Variants in MTUS2 observed in about 807,000 individuals in gnomAD.
MTUS2 encodes microtubule-associated tumor suppressor candidate 2.
In MTUS2, 40 loss-of-function variants were observed where a neutral mutation model predicts 114.1. The ratio of observed to expected loss-of-function variants is 0.35; its 90% CI spans 0.27 to 0.46. The LOEUF is 0.46. MTUS2 is among the 20% of genes least tolerant of loss of function. The probability of loss-of-function intolerance (pLI) is 1.00; values close to 1 mark genes in which losing one functional copy is unlikely to be tolerated. For synonymous variants in MTUS2, 688 were observed against 672.0 expected (o/e 1.02, Z -0.37); for missense variants, 1,679 against 1,705.4 (o/e 0.98, Z 0.27).
rs1872927003 is a variant in MTUS2, at chr13:29,389,355, ATATGTATGCACG to A, written c.3117+29884_3117+29895del. ...TATATATGTATGCACGTGTGTGTAT[ATATGTATGCACG>A]TGTGTGTATATATGTATACACGTGT... On this transcript the variant is annotated intron_variant, in intron 8 of 15. Coordinates refer to ENST00000612955, the MANE Select transcript of MTUS2 (RefSeq NM_001033602.4). 7.0e-4 allele frequency among the ~76,000 whole-genome samples: 58 copies of A among 82,660 alleles called. 1 individual carries two copies. Among genetic ancestry groups the A allele is most frequent in the Middle Eastern group, 9.4e-3 (1 of 106 alleles). The allele number at this position is 82,660 out of a possible 152,430, so 54.2% of individuals were successfully genotyped here. A position where few individuals can be genotyped will look rare whatever the true frequency, so the allele number is the denominator to read the frequency against.
At chr13:29,129,641 A>G (rs1263808915) in intron 5 of MTUS2, among the ~76,000 whole-genome samples, 3 of 152,166 alleles carry the variant, frequency 2.0e-5, no homozygotes, top group Non-Finnish European at 4.4e-5. Flanking sequence ...GTGTAATGAT[A>G]GGAGGAATCA....
intron 9 of MTUS2, among the ~76,000 whole-genome samples, chr13:29,456,221 A>T (rs747916559): frequency 1.1e-4 from 16 of 152,200 alleles, no homozygotes; most frequent in Non-Finnish European, 2.1e-4. Context: ...GAAATAAATC[A>T]TTCACCGATG....
At chr13:29,219,570 T>G (rs1024353712) in intron 5 of MTUS2, among the ~76,000 whole-genome samples, 8 of 152,206 alleles carry the variant, frequency 5.3e-5, no homozygotes, top group Non-Finnish European at 7.4e-5. Flanking sequence ...GCCTGTCCTT[T>G]GAAGCTTTGA....
intron 5 of MTUS2, among the ~76,000 whole-genome samples, chr13:29,122,098 A>T (rs546862423): frequency 6.6e-6 from 1 of 152,212 alleles, no homozygotes; most frequent in South Asian, 2.1e-4. Flanking sequence ...CTTGAGCAGA[A>T]AGTTGTACTC....
intron 7 of MTUS2, among the ~76,000 whole-genome samples, chr13:29,328,495 G>C (rs1483948130): frequency 6.6e-6 from 1 of 152,224 alleles, no homozygotes; most frequent in Admixed American, 6.5e-5. Flanking sequence ...TTTAGTTGAC[G>C]GTTGGGATAG....
chr13:29,390,392 A>C (rs375874801), intron 8 of MTUS2, among the ~76,000 whole-genome samples: 16 of 151,946 alleles, frequency 1.1e-4, no homozygotes, highest in Middle Eastern at 3.4e-3. Flanking sequence ...TGTGGCTCAC[A>C]CCTGTAATCC....
Position 29,006,279 on chromosome 13 carries a change from A to G in MTUS2, c.-242-18178A>G, listed in dbSNP as rs1452714612. On this transcript the variant is annotated intron_variant, in intron 2 of 15. Coordinates refer to ENST00000612955, the MANE Select transcript of MTUS2 (RefSeq NM_001033602.4). ...ATGCTGTTAGGAACACATAAAAACA[A>G]ACAGCAACAAAACTCCTTCTTACAT... Among the ~76,000 whole-genome samples the G allele has an allele frequency of 2.6e-5, 4 of 152,212 alleles. No homozygotes were observed. The East Asian group carries it at 5.8e-4, about 22-fold the overall frequency.
Position 29,264,894 on chromosome 13 carries a change from C to T in MTUS2, c.2645-16810C>T, listed in dbSNP as rs531401016. 3.9e-5 allele frequency among the ~76,000 whole-genome samples: 6 copies of T among 152,368 alleles called. No homozygotes were observed. In the East Asian group the frequency reaches 9.6e-4, roughly 24 times the overall value. On this transcript the variant is annotated intron_variant, in intron 5 of 15. Coordinates refer to ENST00000612955, the MANE Select transcript of MTUS2 (RefSeq NM_001033602.4). ...CTGAAATGCATTTGAGGTCTTTTTC[C>T]CATTGCCTTGGATATTAGCACTTGA...
intron 6 of MTUS2, among the ~76,000 whole-genome samples, chr13:29,296,605 A>G (rs1321951214): frequency 1.3e-5 from 2 of 152,108 alleles, no homozygotes; most frequent in East Asian, 1.9e-4. Flanking sequence ...GTTCTCACCA[A>G]TGTTTGTTAC....
chr13:28,846,947 T>G (rs963273778), intron 2 of MTUS2, among the ~76,000 whole-genome samples: 2 of 152,210 alleles, frequency 1.3e-5, no homozygotes, highest in Non-Finnish European at 1.5e-5. Flanking sequence ...TCATTCCCAA[T>G]ATTATTTGGC....
At chr13:29,035,813 G>A (rs997525387) in intron 4 of MTUS2, among the ~76,000 whole-genome samples, 1 of 151,742 alleles carries the variant, frequency 6.6e-6, no homozygotes, top group Non-Finnish European at 1.5e-5. Context: ...GAAATACCTG[G>A]AATAAAAAAT....
At chr13:28,992,672 A>G (rs1593363266) in intron 2 of MTUS2, among the ~76,000 whole-genome samples, 1 of 152,162 alleles carries the variant, frequency 6.6e-6, no homozygotes, top group African/African-American at 2.4e-5. Flanking sequence ...CATCCCTCGC[A>G]TGCTCCCCTG....
At chr13:29,320,487 G>A (rs900798190) in intron 6 of MTUS2, among the ~76,000 whole-genome samples, 1 of 152,228 alleles carries the variant, frequency 6.6e-6, no homozygotes, top group Non-Finnish European at 1.5e-5. Flanking sequence ...ATGACCTGGA[G>A]TAGGCCAGGC....
intron 8 of MTUS2, among the ~76,000 whole-genome samples, chr13:29,359,936 G>A (rs553013386): frequency 6.6e-6 from 1 of 152,304 alleles, no homozygotes; most frequent in East Asian, 1.9e-4. Flanking sequence ...CTCTTCTCAA[G>A]GCCATGCTCA....
intron 5 of MTUS2, among the ~76,000 whole-genome samples, chr13:29,200,734 G>C (rs1275112561): frequency 6.6e-6 from 1 of 151,874 alleles, no homozygotes; most frequent in Non-Finnish European, 1.5e-5. Flanking sequence ...TGGTCAGGCT[G>C]GTCTCGAATA....
chr13:28,896,377 A>G (rs1048174059), intron 2 of MTUS2, among the ~76,000 whole-genome samples: 1 of 152,212 alleles, frequency 6.6e-6, no homozygotes, highest in Non-Finnish European at 1.5e-5. Flanking sequence ...GAGAACTACA[A>G]ACCACTGCTC....
At chr13:29,142,138 A>G (rs1166944285) in intron 5 of MTUS2, among the ~76,000 whole-genome samples, 1 of 151,966 alleles carries the variant, frequency 6.6e-6, no homozygotes, top group African/African-American at 2.4e-5. Context: ...ATGGGGATCT[A>G]ATTTTTTTAA....
intron 6 of MTUS2, among the ~76,000 whole-genome samples, chr13:29,297,098 T>A (rs1203189461): frequency 6.6e-6 from 1 of 152,172 alleles, no homozygotes; most frequent in Non-Finnish European, 1.5e-5. Flanking sequence ...TTAAAGTCTT[T>A]AATTTATTTT....
chr13:29,268,941 A>C (rs1897772931), intron 5 of MTUS2, among the ~76,000 whole-genome samples: 1 of 152,070 alleles, frequency 6.6e-6, no homozygotes, highest in Non-Finnish European at 1.5e-5. Context: ...TATGTTTCCC[A>C]GGCTGGTCTC....
Sources: gnomAD v4.1 joint callset for allele counts (sites outside exome capture counted in the v4.1 genomes callset) on GRCh38, gnomAD v4.1.1 for gene constraint, MANE v1.5 for transcripts, NCBI Gene and HGNC (gene_info 2026-07-23, HGNC 2026-07-21) for gene names.